Variants in MYH10 observed in about 807,000 individuals in gnomAD.
MYH10 encodes myosin-10.
MYH10 carries 55 observed loss-of-function variants against 257.8 expected under a neutral mutation model. The ratio of observed to expected loss-of-function variants is 0.21; its 90% CI spans 0.17 to 0.27. The LOEUF (loss-of-function observed/expected upper bound fraction) is 0.27, where lower values mean the gene tolerates loss of function less well. Among genes scored for constraint, MYH10 ranks in the 10% least tolerant of loss-of-function variants. The pLI is 1.00. For synonymous variants in MYH10, 854 were observed against 921.7 expected, an observed-to-expected ratio of 0.93 and a Z score of 1.33; for missense variants, 1,631 against 2,500.6, an observed-to-expected ratio of 0.65 and a Z score of 7.42.
chr17:8,491,557 G>A (rs925978824), intron 34 of MYH10, among the ~76,000 whole-genome samples: 6 of 152,150 alleles, frequency 3.9e-5, no homozygotes, highest in African/African-American at 1.4e-4. Context: ...GCTTTTCAAA[G>A]CAGATGCAGT....
At chr17:8,606,048 A>G (rs2084789184) in intron 2 of MYH10, among the ~76,000 whole-genome samples, 1 of 151,870 alleles carries the variant, frequency 6.6e-6, no homozygotes, top group Non-Finnish European at 1.5e-5. Flanking sequence ...TTTTAAATGA[A>G]TTAATAAAGA....
intron 6 of MYH10, among the ~76,000 whole-genome samples, chr17:8,572,253 TGTGTGAGTGA>T (rs1468054053): frequency 1.1e-5 from 1 of 93,698 alleles, no homozygotes; most frequent in Non-Finnish European, 2.4e-5. Flanking sequence ...TGTGTGTGTG[TGTGTGAGTGA>T]GAGAGAGAGA....
rs941987345 is a variant in MYH10, at chr17:8,543,767, C to T, written c.1432-1487G>A. 5.3e-5 allele frequency among the ~76,000 whole-genome samples: 8 copies of T among 152,284 alleles called. No homozygotes were observed. The East Asian group carries it at 5.8e-4, about 11-fold the overall frequency. On this transcript the variant is annotated intron_variant, in intron 13 of 42. Coordinates refer to ENST00000360416, the MANE Select transcript of MYH10 (RefSeq NM_001256012.3). Reference sequence around the variant, plus strand: ...GATTACAGGCGTGAGCCACCACGCCCGGCCAAGAATGGTATTTTTAAAAAT... The same window carrying T: ...GATTACAGGCGTGAGCCACCACGCCTGGCCAAGAATGGTATTTTTAAAAAT...
In MYH10 at chr17:8,520,599, A is replaced by G. The variant is rs529834741; in HGVS notation, c.2273+279T>C. Reference sequence around the variant, plus strand: ...GCTTTCAGCTTTCTATGTTTATCTCAAAGCTAACTTCAGGGCCCTGAAAAC... The same window carrying G: ...GCTTTCAGCTTTCTATGTTTATCTCGAAGCTAACTTCAGGGCCCTGAAAAC... On this transcript the variant is annotated intron_variant, in intron 19 of 42. Coordinates refer to ENST00000360416, the MANE Select transcript of MYH10 (RefSeq NM_001256012.3). Among the ~76,000 whole-genome samples the G allele has an allele frequency of 5.9e-5, 9 of 152,362 alleles. No homozygotes were observed. The East Asian group carries it at 1.3e-3, about 23-fold the overall frequency.
intron 19 of MYH10, among the ~76,000 whole-genome samples, chr17:8,520,482 C>T (rs543164002): frequency 1.4e-4 from 21 of 151,962 alleles, no homozygotes; most frequent in East Asian, 5.8e-4. Flanking sequence ...GGTGACAGAG[C>T]GAAGACTCCA....
chr17:8,478,784 G>A (rs762620448), intron 40 of MYH10, among the ~76,000 whole-genome samples: 6 of 152,190 alleles, frequency 3.9e-5, no homozygotes, highest in Non-Finnish European at 7.3e-5. Context: ...AGGCTGGGGT[G>A]CAGTGGCGCC....
intron 2 of MYH10, among the ~76,000 whole-genome samples, chr17:8,616,801 C>T (rs114063178): frequency 3.9e-5 from 6 of 152,080 alleles, no homozygotes; most frequent in African/African-American, 1.4e-4. Context: ...TATTGAAATG[C>T]TAAGAACTTA....
chr17:8,548,346 T>C lies in MYH10; in HGVS notation c.1126A>G (p.Asn376Asp). The C allele has an allele frequency of 1.9e-6, 3 of 1,613,168 alleles. No homozygotes were observed. Among genetic ancestry groups the C allele is most frequent in the Non-Finnish European group, 2.5e-6 (3 of 1,179,384 alleles). ...FGNISFKKER[N>D]TDQASMPENT... ...TCTGGCATGGAAGCTTGATCAGTAT[T>C]TCTCTCCTTTTTGAAAGAAATATTT... Residue 376 changes from asparagine (N) to aspartate (D), a missense_variant, in exon 11 of 43, where the codon AAT (asparagine) becomes GAT (aspartate). Coordinates refer to ENST00000360416, the MANE Select transcript of MYH10 (RefSeq NM_001256012.3).
chr17:8,628,196 C>A (rs140115998), intron 1 of MYH10, among the ~76,000 whole-genome samples: 3 of 152,186 alleles, frequency 2.0e-5, no homozygotes, highest in African/African-American at 7.2e-5. Flanking sequence ...TTTTTGTTAG[C>A]GAACATAAAG....
In MYH10 at chr17:8,548,667, C is replaced by T; in HGVS notation, c.1040G>A (p.Gly347Asp). ...ACACAGAATCTCTTCATGGGAGAAG[C>T]CCATTATGTGCATTGCTTCCATGGT... Reference protein sequence around the residue: ...QETMEAMHIMGFSHEEILSML... With the variant: ...QETMEAMHIMDFSHEEILSML... Residue 347 changes from glycine to aspartate, a missense_variant, in exon 10 of 43, where the codon GGC becomes GAC. Physicochemically the swap from Gly to Asp is moderately conservative, Grantham distance 94. Transcript: ENST00000360416. 1.2e-6 allele frequency: 2 copies of T among 1,614,082 alleles called. No individual in the cohort carries two copies. The highest frequency in any genetic ancestry group is 1.7e-6 in the Non-Finnish European group (2 of 1,179,990).
At chr17:8,481,436 T>A in intron 37 of MYH10, 26 bp from the exon 38 acceptor site, 1 of 1,607,326 alleles carries the variant, frequency 6.2e-7, no homozygotes, top group African/African-American at 1.3e-5. Flanking sequence ...TGCGTTAAGC[T>A]CTGGCTGTGA....
Position 8,505,987 on chromosome 17 carries a change from A to T in MYH10, c.3386+331T>A, listed in dbSNP as rs113944548. ...AGAGTGAGACTCCATTCAAAAAAAA[A>T]AAATAAATAAAACATACTACAGTTA... On this transcript the variant is annotated intron_variant, in intron 27 of 42. Transcript: ENST00000360416. The T allele has an allele frequency of 1.1e-3, 199 of 182,998 alleles. 4 individuals are homozygous for T. The highest frequency in any genetic ancestry group is 0.01 in the South Asian group (56 of 5,426). 11.3% of individuals were successfully genotyped at this position (182,998 alleles called of 1,614,324 possible).
intron 35 of MYH10, among the ~76,000 whole-genome samples, chr17:8,489,739 A>ACACACACACACACCCC (rs1401430644): frequency 6.6e-6 from 1 of 151,260 alleles, no homozygotes; most frequent in African/African-American, 2.4e-5. Flanking sequence ...ACACACACAC[A>ACACACACACACACCCC]CACACACCCC....
At position 8,552,922 on chromosome 17, in the gene MYH10, T is replaced by G. The variant is rs2082684314; in HGVS notation, c.821-778A>C. Among the ~76,000 whole-genome samples the G allele has an allele frequency of 6.6e-6, 1 of 152,208 alleles. No homozygotes were observed. Among genetic ancestry groups the G allele is most frequent in the South Asian group, 2.1e-4 (1 of 4,832 alleles). On this transcript the variant is annotated intron_variant, in intron 8 of 42. Coordinates refer to ENST00000360416, the MANE Select transcript of MYH10 (RefSeq NM_001256012.3). The surrounding 1 kb of genome is among the most constrained non-coding windows in gnomAD (Gnocchi z 4.8). Reference sequence around the variant, plus strand: ...TGCACACCCAGCTGTGTATCTTATCTGGGGCTCAGATCCACAGTTCTTGAT... The same window carrying G: ...TGCACACCCAGCTGTGTATCTTATCGGGGGCTCAGATCCACAGTTCTTGAT...
At chr17:8,494,028 T>A in intron 31 of MYH10, 143 bp from the exon 32 acceptor site, 2 of 898,304 alleles carry the variant, frequency 2.2e-6, no homozygotes, top group Non-Finnish European at 3.3e-6. Context: ...ACAGATGATT[T>A]AAAAACACAC....
chr17:8,591,814 C>A (rs1000957996), intron 3 of MYH10, among the ~76,000 whole-genome samples: 5 of 152,088 alleles, frequency 3.3e-5, no homozygotes, highest in Non-Finnish European at 7.4e-5. Context: ...TCTCTTCTAG[C>A]CAGACTCATC....
intron 2 of MYH10, among the ~76,000 whole-genome samples, chr17:8,619,931 A>C (rs1046569670): frequency 6.6e-6 from 1 of 152,098 alleles, no homozygotes. Context: ...TCCCAAAAAA[A>C]ACAAAATCAA....
At chr17:8,594,230 G>A (rs955675021) in intron 3 of MYH10, among the ~76,000 whole-genome samples, 1 of 152,006 alleles carries the variant, frequency 6.6e-6, no homozygotes, top group African/African-American at 2.4e-5. Flanking sequence ...ATCTAGAAAG[G>A]ACAAAGAACT....
intron 41 of MYH10, 67 bp downstream of exon 41, chr17:8,478,271 G>A: frequency 7.4e-7 from 1 of 1,349,706 alleles, no homozygotes; most frequent in South Asian, 1.2e-5. Flanking sequence ...GGTCAGTTGT[G>A]CCACCAGCTC....
Sources: gnomAD v4.1 joint callset for allele counts (sites outside exome capture counted in the v4.1 genomes callset) on GRCh38, gnomAD v4.1.1 for gene constraint, Gnocchi (gnomAD v3.1) non-coding constraint, MANE v1.5 for transcripts, NCBI Gene and HGNC (gene_info 2026-07-23, HGNC 2026-07-21) for gene names.